The following TAFA5 variants were observed in gnomAD, a reference collection of about 807,000 sequenced individuals.
The protein encoded by TAFA5 is TAFA chemokine like family member 5, also known as chemokine-like protein TAFA-5.
TAFA5 carries 6 observed loss-of-function variants against 15.3 expected under a neutral mutation model. The observed-to-expected ratio is 0.39, with a 90% CI of 0.21 to 0.77. The LOEUF is 0.77. TAFA5 is among the 30% of genes least tolerant of loss of function. The probability of loss-of-function intolerance (pLI) is 0.41; values close to 1 mark genes in which losing one functional copy is unlikely to be tolerated. For missense variants in TAFA5, 161 were observed against 193.1 expected, an observed-to-expected ratio of 0.83 and a Z score of 0.98; for synonymous variants, 103 against 80.7, an observed-to-expected ratio of 1.28 and a Z score of -1.48.
chr22:48,543,972 C>T (rs1922562302), intron 1 of TAFA5: 1 of 152,310 alleles, frequency 6.6e-6, no homozygotes, highest in South Asian at 2.1e-4. Context: ...CCGAGGAGCT[C>T]CCAGGGGCCT....
intron 1 of TAFA5, among the ~76,000 whole-genome samples, chr22:48,536,851 TG>T (rs935640576): frequency 5.9e-5 from 9 of 152,208 alleles, no homozygotes; most frequent in African/African-American, 1.7e-4. Flanking sequence ...GAGGAGTGGC[TG>T]GGAGCTGCCC....
At chr22:48,536,905 G>A (rs12485083) in intron 1 of TAFA5, among the ~76,000 whole-genome samples, 21,019 of 152,236 alleles carry the variant, frequency 0.14, 1,952 homozygotes, top group African/African-American at 0.26. Flanking sequence ...CACTGGCTGG[G>A]CGATGGCAGC....
intron 1 of TAFA5, among the ~76,000 whole-genome samples, chr22:48,622,666 C>T (rs752155551): frequency 1.1e-4 from 16 of 152,214 alleles, no homozygotes; most frequent in Admixed American, 3.9e-4. Context: ...TGCCGTGGTA[C>T]GACACTGTGG....
chr22:48,656,587 T>TA (rs934157653), intron 2 of TAFA5, among the ~76,000 whole-genome samples: 1 of 149,856 alleles, frequency 6.7e-6, no homozygotes, highest in East Asian at 2.0e-4. Context: ...GTGAACACAC[T>TA]AAAAAAAGAA....
intron 1 of TAFA5, among the ~76,000 whole-genome samples, chr22:48,548,191 T>A (rs1922741650): frequency 6.6e-6 from 1 of 152,212 alleles, no homozygotes; most frequent in South Asian, 2.1e-4. Context: ...TGTGGCCAGC[T>A]GCACACATGT....
chr22:48,716,085 G>C (rs1929393426), intron 3 of TAFA5, among the ~76,000 whole-genome samples: 1 of 152,198 alleles, frequency 6.6e-6, no homozygotes, highest in Non-Finnish European at 1.5e-5. Context: ...TGAGGCCTCT[G>C]TTCTGTTTCA....
In TAFA5 at chr22:48,628,060, G is replaced by T. The variant is rs559984936; in HGVS notation, c.113-18537G>T. ...AGGCTGGGACCTGCTGTCTCTGCAA[G>T]CCAGGCTGGGGTGGGCACAGGACGT... On this transcript the variant is annotated intron_variant, in intron 1 of 3. Coordinates refer to ENST00000402357, the MANE Select transcript of TAFA5 (RefSeq NM_001082967.3). 6.7e-4 allele frequency among the ~76,000 whole-genome samples: 102 copies of T among 152,328 alleles called. 1 individual carries two copies. Among genetic ancestry groups the T allele is most frequent in the African/African-American group, 2.3e-3 (94 of 41,578 alleles).
intron 1 of TAFA5, chr22:48,576,365 G>A (rs1923800611): frequency 1.6e-6 from 2 of 1,217,720 alleles, no homozygotes; most frequent in South Asian, 4.0e-5. Flanking sequence ...CGGCGTTGGC[G>A]GCGGATGGAG....
Position 48,560,377 on chromosome 22 carries a change from C to G in TAFA5, c.112+70673C>G, listed in dbSNP as rs1409571569. On this transcript the variant is annotated intron_variant, in intron 1 of 3. Coordinates refer to ENST00000402357, the MANE Select transcript of TAFA5 (RefSeq NM_001082967.3). This position sits in a 1 kb window ranked among gnomAD's most constrained non-coding sequence, Gnocchi z 4.2. ...CCCCCAGCATTTCCATTCTCGGCCT[C>G]CAATCCCTGGAGACCACACGTGGGA... is the stretch of plus-strand genomic sequence containing the variant. Among the ~76,000 whole-genome samples the G allele has an allele frequency of 6.6e-5, 10 of 152,054 alleles. No individual in the cohort carries two copies. Among genetic ancestry groups the G allele is most frequent in the Non-Finnish European group, 1.3e-4 (9 of 68,014 alleles).
At chr22:48,504,547 A>C (rs1920975146) in intron 1 of TAFA5, among the ~76,000 whole-genome samples, 1 of 152,068 alleles carries the variant, frequency 6.6e-6, no homozygotes, top group Non-Finnish European at 1.5e-5. Context: ...GACGTTTCCC[A>C]CATGCTGTCA....
At chr22:48,518,931 G>A (rs1022330622) in intron 1 of TAFA5, among the ~76,000 whole-genome samples, 37 of 152,312 alleles carry the variant, frequency 2.4e-4, no homozygotes, top group African/African-American at 7.5e-4. Flanking sequence ...GGGGTGACCA[G>A]GCGGCCGGCG....
chr22:48,711,281 G>A (rs1009477900), intron 3 of TAFA5, among the ~76,000 whole-genome samples: 3 of 152,064 alleles, frequency 2.0e-5, no homozygotes, highest in Non-Finnish European at 4.4e-5. Flanking sequence ...AGTGTGTGTC[G>A]GGGGCTTGAA....
chr22:48,668,271 A>G (rs1485692200), intron 2 of TAFA5, among the ~76,000 whole-genome samples: 9 of 10,976 alleles, frequency 8.2e-4, no homozygotes, highest in African/African-American at 1.7e-3. Context: ...GGGAGCTGTA[A>G]TCCCCCAGCA....
chr22:48,711,912 G>T (rs1020630565), intron 3 of TAFA5, among the ~76,000 whole-genome samples: 70 of 152,236 alleles, frequency 4.6e-4, no homozygotes, highest in African/African-American at 1.6e-3. Context: ...CCAGAGTGTG[G>T]GTCGCCTAGC....
At position 48,662,499 on chromosome 22, in the gene TAFA5, G is replaced by C. The variant is rs183989811; in HGVS notation, c.262+15753G>C. Among the ~76,000 whole-genome samples the C allele has an allele frequency of 5.8e-3, 800 of 138,550 alleles. 6 individuals are homozygous for C. The highest frequency in any genetic ancestry group is 0.021 in the African/African-American group (759 of 35,614). The allele number at this position is 138,550 out of a possible 152,430, so 90.9% of individuals were successfully genotyped here. On this transcript the variant is annotated intron_variant, in intron 2 of 3. Coordinates refer to ENST00000402357, the MANE Select transcript of TAFA5 (RefSeq NM_001082967.3). The stretch of plus-strand genomic sequence containing the variant: ...AGTGTGTGATGGGGGTGATTCAAGG[G>C]CCCAGGCGGTGGGGCTCCAGTAGAG...
At chr22:48,571,124 C>G (rs184127496) in intron 1 of TAFA5, among the ~76,000 whole-genome samples, 30 of 152,282 alleles carry the variant, frequency 2.0e-4, no homozygotes, top group African/African-American at 2.4e-5. Context: ...GACTGTTTAG[C>G]TGGGTATAAA....
At chr22:48,727,700 T>G (rs1385865274) in intron 3 of TAFA5, among the ~76,000 whole-genome samples, 1 of 152,242 alleles carries the variant, frequency 6.6e-6, no homozygotes, top group Non-Finnish European at 1.5e-5. Context: ...TGTTGTCTTC[T>G]AAGGGCATTC....
At chr22:48,592,504 G>T (rs1400021659) in intron 1 of TAFA5, among the ~76,000 whole-genome samples, 2 of 152,234 alleles carry the variant, frequency 1.3e-5, no homozygotes, top group Non-Finnish European at 1.5e-5. Flanking sequence ...CTGGGTCCAG[G>T]TCTCTTCCCC....
chr22:48,714,636 G>A (rs1283299809), intron 3 of TAFA5, among the ~76,000 whole-genome samples: 2 of 152,208 alleles, frequency 1.3e-5, no homozygotes, highest in Non-Finnish European at 2.9e-5. Flanking sequence ...GGTGAAAATC[G>A]ACGTTCTGAG....
Sources: allele counts gnomAD v4.1 joint callset (sites outside exome capture counted in the v4.1 genomes callset), GRCh38; gene constraint gnomAD v4.1.1; non-coding constraint Gnocchi (gnomAD v3.1); transcripts MANE v1.5; gene names NCBI Gene and HGNC (gene_info 2026-07-23, HGNC 2026-07-21).